The following JAZF1 variants were observed in gnomAD, a reference collection of about 807,000 sequenced individuals.
JAZF1 encodes JAZF zinc finger 1.
JAZF1 carries 8 observed loss-of-function variants against 26.4 expected under a neutral mutation model. The observed-to-expected ratio is 0.30, with a 90% CI of 0.18 to 0.55. The LOEUF is 0.55. Ranked by LOEUF, JAZF1 falls within the 20% of genes least tolerant of loss-of-function variation. The probability of loss-of-function intolerance (pLI) is 0.94; values close to 1 mark genes in which losing one functional copy is unlikely to be tolerated. For missense variants in JAZF1, 199 were observed against 322.0 expected (o/e 0.62, Z 2.92); for synonymous variants, 126 against 122.3 (o/e 1.03, Z -0.20).
chr7:28,106,560 C>T (rs1299402383), intron 1 of JAZF1, among the ~76,000 whole-genome samples: 1 of 152,216 alleles, frequency 6.6e-6, no homozygotes, highest in East Asian at 1.9e-4. Context: ...CTAACATAAA[C>T]ATTATAGGCC....
intron 1 of JAZF1, among the ~76,000 whole-genome samples, chr7:28,047,861 C>G (rs953461480): frequency 6.6e-6 from 1 of 152,118 alleles, no homozygotes; most frequent in Non-Finnish European, 1.5e-5. Context: ...TTGGTTTACA[C>G]TTATATTGAT....
chr7:27,904,902 C>T (rs1348183845), intron 2 of JAZF1, among the ~76,000 whole-genome samples: 3 of 145,666 alleles, frequency 2.1e-5, no homozygotes, highest in Non-Finnish European at 4.5e-5. Context: ...CTAAAACTGA[C>T]AGACTTACTG....
intron 3 of JAZF1, among the ~76,000 whole-genome samples, chr7:27,892,756 A>C (rs1333067418): frequency 6.6e-6 from 1 of 152,260 alleles, no homozygotes; most frequent in Non-Finnish European, 1.5e-5. Context: ...ATTCAAGGAA[A>C]TGGACAAATG....
Position 27,831,623 on chromosome 7 carries a change from G to GTGTT in JAZF1, c.*1173_*1176dup, listed in dbSNP as rs1174195342. On this transcript the variant is annotated 3_prime_UTR_variant, in exon 5 of 5. Coordinates refer to ENST00000283928, the MANE Select transcript of JAZF1 (RefSeq NM_175061.4). The stretch of plus-strand genomic sequence containing the variant: ...AGGCTCATTTTCCTATTTCAGCAAA[G>GTGTT]TGTTTGTTTTATAAAGCTAAACAGA... 4.4e-5 allele frequency: 10 copies of GTGTT among 225,692 alleles called. No individual in the cohort carries two copies. The highest frequency in any genetic ancestry group is 8.9e-5 in the African/African-American group (4 of 44,896). The allele number at this position is 225,692 out of a possible 1,614,324, so 14.0% of individuals were successfully genotyped here.
rs1385719385 is a variant in JAZF1, at chr7:27,830,705, G to A, written c.*2095C>T. 2.1e-5 allele frequency: 4 copies of A among 192,276 alleles called. No individual in the cohort carries two copies. Among genetic ancestry groups the A allele is most frequent in the Non-Finnish European group, 3.3e-5 (3 of 91,782 alleles). The allele number at this position is 192,276 out of a possible 1,614,324, so 11.9% of individuals were successfully genotyped here. On this transcript the variant is annotated 3_prime_UTR_variant, in exon 5 of 5. Coordinates refer to ENST00000283928, the MANE Select transcript of JAZF1 (RefSeq NM_175061.4). The stretch of plus-strand genomic sequence containing the variant: ...AACCTCTGTTGCTTTCAGACTTAAT[G>A]TGCTCTGTCCCCAACAAAACATATG...
At chr7:27,873,770 C>G (rs1783624354) in intron 3 of JAZF1, among the ~76,000 whole-genome samples, 1 of 152,224 alleles carries the variant, frequency 6.6e-6, no homozygotes, top group Non-Finnish European at 1.5e-5. Context: ...TGCATCCCCT[C>G]CAGCACTCAG....
intron 3 of JAZF1, among the ~76,000 whole-genome samples, chr7:27,884,268 C>G (rs1249751502): frequency 2.6e-5 from 4 of 152,168 alleles, no homozygotes; most frequent in African/African-American, 9.7e-5. Context: ...GTAACTGGGA[C>G]TACAGGCATG....
At chr7:27,965,839 G>T (rs961463209) in intron 2 of JAZF1, among the ~76,000 whole-genome samples, 1 of 152,164 alleles carries the variant, frequency 6.6e-6, no homozygotes, top group Non-Finnish European at 1.5e-5. Flanking sequence ...TCTGAAGTTT[G>T]TCTTGTTCCA....
chr7:28,121,626 C>T (rs1004226308), intron 1 of JAZF1, among the ~76,000 whole-genome samples: 2 of 152,146 alleles, frequency 1.3e-5, no homozygotes, highest in Non-Finnish European at 2.9e-5. Context: ...TCCTGGATCC[C>T]CTAATAATGA....
intron 1 of JAZF1, among the ~76,000 whole-genome samples, chr7:28,054,910 C>G (rs376902242): frequency 6.6e-6 from 1 of 152,170 alleles, no homozygotes; most frequent in East Asian, 1.9e-4. Flanking sequence ...AAACAAGCTA[C>G]AGTGCATGGC....
intron 1 of JAZF1, among the ~76,000 whole-genome samples, chr7:28,056,010 A>G (rs960368969): frequency 2.6e-5 from 4 of 152,164 alleles, no homozygotes; most frequent in African/African-American, 7.2e-5. Context: ...CTACAGCTAC[A>G]TAGTAGCCTG....
chr7:28,139,572 C>T (rs984939419), intron 1 of JAZF1, among the ~76,000 whole-genome samples: 2 of 152,140 alleles, frequency 1.3e-5, no homozygotes, highest in African/African-American at 2.4e-5. Flanking sequence ...GACCTGGTAT[C>T]GACCCTTCCC....
At position 27,987,106 on chromosome 7, in the gene JAZF1, C is replaced by A. The variant is rs552343606; in HGVS notation, c.188+4803G>T. Among the ~76,000 whole-genome samples, 512 of 152,154 alleles carry A rather than the reference C, an allele frequency of 3.4e-3. 4 individuals carry two copies. The highest frequency in any genetic ancestry group is 0.011 in the African/African-American group (467 of 41,516). ...TCTGGGAAGTGAGGAGCGTCTCTGC[C>A]TGGCCACCCATCGTCTGGGATGTGA... On this transcript the variant is annotated intron_variant, in intron 2 of 4. Transcript: ENST00000283928.
intron 2 of JAZF1, among the ~76,000 whole-genome samples, chr7:27,909,656 G>A (rs1457294034): frequency 2.0e-5 from 3 of 152,098 alleles, no homozygotes; most frequent in Non-Finnish European, 2.9e-5. Flanking sequence ...GTGGTGAGCT[G>A]AGATCCGCCA....
At chr7:28,031,513 G>A (rs1194886572) in intron 1 of JAZF1, among the ~76,000 whole-genome samples, 1 of 152,208 alleles carries the variant, frequency 6.6e-6, no homozygotes, top group African/African-American at 2.4e-5. Context: ...GATGCAGTGA[G>A]ACCTTATGCT....
intron 1 of JAZF1, among the ~76,000 whole-genome samples, chr7:28,029,854 TAGGAATCAGTGGTA>T (rs1783160112): frequency 6.6e-6 from 1 of 152,170 alleles, no homozygotes; most frequent in Admixed American, 6.5e-5. Flanking sequence ...AAACAAATCA[TAGGAATCAGTGGTA>T]AGTTCAGACT....
intron 3 of JAZF1, among the ~76,000 whole-genome samples, chr7:27,873,170 C>A (rs573419396): frequency 7.1e-4 from 108 of 152,248 alleles, no homozygotes; most frequent in African/African-American, 2.3e-3. Context: ...TCAAGAAAAT[C>A]AAATCTATTT....
chr7:28,150,691 G>T (rs868573245), intron 1 of JAZF1, among the ~76,000 whole-genome samples: 1 of 152,188 alleles, frequency 6.6e-6, no homozygotes. Context: ...TCACACGGGG[G>T]AGACATTAGG....
At chr7:27,944,174 C>A (rs1784893734) in intron 2 of JAZF1, among the ~76,000 whole-genome samples, 1 of 152,176 alleles carries the variant, frequency 6.6e-6, no homozygotes, top group Non-Finnish European at 1.5e-5. Context: ...ACAAAAGGAA[C>A]TACATCTTGC....
Sources: gnomAD v4.1 joint callset for allele counts (sites outside exome capture counted in the v4.1 genomes callset) on GRCh38, gnomAD v4.1.1 for gene constraint, MANE v1.5 for transcripts, NCBI Gene and HGNC (gene_info 2026-07-23, HGNC 2026-07-21) for gene names.